PIK3R5: variants seen among roughly 807,000 people sequenced by gnomAD.
PIK3R5 encodes phosphoinositide-3-kinase regulatory subunit 5, also known as phosphoinositide 3-kinase regulatory subunit 5.
PIK3R5 carries 32 observed loss-of-function variants against 94.9 expected under a neutral mutation model. The observed-to-expected ratio is 0.34, with a 90% CI of 0.25 to 0.45. PIK3R5 has a LOEUF of 0.45. Among genes scored for constraint, PIK3R5 ranks in the 20% least tolerant of loss-of-function variants. The probability of loss-of-function intolerance (pLI) is 1.00; values close to 1 mark genes in which losing one functional copy is unlikely to be tolerated. For missense variants in PIK3R5, 853 were observed against 1,144.6 expected, an observed-to-expected ratio of 0.75 and a Z score of 3.68; for synonymous variants, 443 against 479.4, an observed-to-expected ratio of 0.92 and a Z score of 0.99.
intron 1 of PIK3R5, among the ~76,000 whole-genome samples, chr17:8,957,336 A>C (rs2091481726): frequency 6.6e-6 from 1 of 152,044 alleles, no homozygotes; most frequent in Non-Finnish European, 1.5e-5. Context: ...AGTGAGCTGG[A>C]GTCTATTTTC....
In PIK3R5 at chr17:8,881,602, A is replaced by C; in HGVS notation, c.2382+28T>G. On this transcript the variant is annotated intron_variant, in intron 17 of 18. Transcript: ENST00000447110. This position sits in a 1 kb window ranked among gnomAD's most constrained non-coding sequence, Gnocchi z 4.8. ...ACGCTCCAGTAAGTCTCTTGAGGGT[A>C]TGGCTGGAAGGAGAGGGAAGCCCGT... 3.2e-6 allele frequency: 5 copies of C among 1,576,038 alleles called. No homozygotes were observed. The highest frequency in any genetic ancestry group is 1.1e-5 in the South Asian group (1 of 88,964).
chr17:8,890,112 T>G lies in PIK3R5; in HGVS notation c.672A>C (p.Ala224=), dbSNP rs914551359. Residue 224 remains alanine (A), a synonymous_variant, in exon 8 of 19, where the codon GCA becomes GCC. Coordinates refer to ENST00000447110, the MANE Select transcript of PIK3R5 (RefSeq NM_001142633.3). The surrounding 1 kb of genome is among the most constrained non-coding windows in gnomAD (Gnocchi z 6.1). ...TCTCCGTGAAGATGTCCTCAAGCTCTGCCAGGGTCTTGGCCTGAAACCCCA... is the reference window on the plus strand; with the variant it reads ...TCTCCGTGAAGATGTCCTCAAGCTCGGCCAGGGTCTTGGCCTGAAACCCCA... ...LHCRLQAKTL[A]ELEDIFTETA... 4 of 1,613,878 alleles carry G rather than the reference T, an allele frequency of 2.5e-6. No individual in the cohort carries two copies. The African/African-American group carries it at 5.3e-5, about 22-fold the overall frequency.
chr17:8,949,267 G>C (rs1048423641), intron 1 of PIK3R5, among the ~76,000 whole-genome samples: 2 of 152,304 alleles, frequency 1.3e-5, no homozygotes, highest in Admixed American at 6.5e-5. Flanking sequence ...GCTAAATTTC[G>C]AGCTGGTGAA....
chr17:8,911,539 C>A lies in PIK3R5; in HGVS notation c.-13-32G>T. On this transcript the variant is annotated intron_variant, in intron 1 of 18. Transcript: ENST00000447110. The surrounding 1 kb of genome is among the most constrained non-coding windows in gnomAD (Gnocchi z 5.3). ...GGGGGACAGACGCCGGTCAGCTTGT[C>A]GAGCTCCTTTCCCAGAGAGCACCTG... is the stretch of plus-strand genomic sequence containing the variant. 1 of 1,448,238 alleles carries A rather than the reference C, an allele frequency of 6.9e-7. No homozygotes were observed. Among genetic ancestry groups the A allele is most frequent in the South Asian group, 1.2e-5 (1 of 85,816 alleles). 89.7% of individuals were successfully genotyped at this position (1,448,238 alleles called of 1,614,324 possible).
Position 8,884,882 on chromosome 17 carries a change from T to C in PIK3R5, c.2129-99A>G, listed in dbSNP as rs61761115. On this transcript the variant is annotated intron_variant, in intron 14 of 18. Coordinates refer to ENST00000447110, the MANE Select transcript of PIK3R5 (RefSeq NM_001142633.3). This position sits in a 1 kb window ranked among gnomAD's most constrained non-coding sequence, Gnocchi z 5.8. ...CCCTGGGCCTTACCTCCCCATCCCC[T>C]ACCACATGGACCGTGACTCCCTAGG... 11 of 931,800 alleles carry C rather than the reference T, an allele frequency of 1.2e-5. No individual in the cohort carries two copies. Among genetic ancestry groups the C allele is most frequent in the Non-Finnish European group, 1.7e-5 (10 of 579,638 alleles). The allele number at this position is 931,800 out of a possible 1,614,324, so 57.7% of individuals were successfully genotyped here.
rs1351082193 is a variant in PIK3R5 at position 8,893,080 on chromosome 17, GTGTGTT to G, written c.482+500_482+505del. On this transcript the variant is annotated intron_variant, in intron 6 of 18. Transcript: ENST00000447110. The surrounding 1 kb of genome is among the most constrained non-coding windows in gnomAD (Gnocchi z 5.1). ...TGTGTGTGTGTGTGTGTGTGTGTGTGTGTGTTTGTGTATCAGGCTGTCATATAAAAT... is the reference window on the plus strand; with the variant it reads ...TGTGTGTGTGTGTGTGTGTGTGTGTGTGTGTATCAGGCTGTCATATAAAAT... 0.053 allele frequency among the ~76,000 whole-genome samples: 5,918 copies of G among 110,994 alleles called. 347 individuals carry two copies. The highest frequency in any genetic ancestry group is 0.2 in the African/African-American group (4,937 of 25,250). 72.8% of individuals were successfully genotyped at this position (110,994 alleles called of 152,430 possible).
In PIK3R5 at chr17:8,879,007, C is replaced by A. The variant is rs1244091983; in HGVS notation, c.*1632G>T. ...TTGATCACATAATAAGACAACCTGC[C>A]CATACAGCAAAAACATATTGAAGAT... On this transcript the variant is annotated 3_prime_UTR_variant, in exon 19 of 19. Coordinates refer to ENST00000447110, the MANE Select transcript of PIK3R5 (RefSeq NM_001142633.3). This position sits in a 1 kb window ranked among gnomAD's most constrained non-coding sequence, Gnocchi z 4.4. 6.6e-6 allele frequency: 1 copy of A among 152,064 alleles called. No homozygotes were observed. The highest frequency in any genetic ancestry group is 1.5e-5 in the Non-Finnish European group (1 of 68,010). 9.4% of individuals were successfully genotyped at this position (152,064 alleles called of 1,614,324 possible).
intron 5 of PIK3R5, among the ~76,000 whole-genome samples, chr17:8,899,696 C>T (rs564340204): frequency 4.4e-4 from 67 of 152,270 alleles, no homozygotes; most frequent in African/African-American, 1.6e-3. Context: ...TCTTTCTCCA[C>T]TTAACTGGGG....
At chr17:8,929,388 A>C (rs2151439215) in intron 1 of PIK3R5, among the ~76,000 whole-genome samples, 1 of 152,340 alleles carries the variant, frequency 6.6e-6, no homozygotes, top group Admixed American at 6.5e-5. Context: ...GCATTAATTA[A>C]AAGAAAGCAG....
chr17:8,945,139 G>A lies in PIK3R5; in HGVS notation c.-14+20457C>T, dbSNP rs553655441. Reference sequence around the variant, plus strand: ...CAGGCTTCTAGCCAAACCCTGGCTCGGCCCCTCACCCCACTTCGAAGAGGG... The same window carrying A: ...CAGGCTTCTAGCCAAACCCTGGCTCAGCCCCTCACCCCACTTCGAAGAGGG... On this transcript the variant is annotated intron_variant, in intron 1 of 18. Coordinates refer to ENST00000447110, the MANE Select transcript of PIK3R5 (RefSeq NM_001142633.3). This position sits in a 1 kb window ranked among gnomAD's most constrained non-coding sequence, Gnocchi z 4.0. 1.2e-4 allele frequency among the ~76,000 whole-genome samples: 18 copies of A among 152,174 alleles called. No homozygotes were observed. Among genetic ancestry groups the A allele is most frequent in the South Asian group, 4.2e-4 (2 of 4,816 alleles).
At chr17:8,898,502 A>G (rs2090202930) in intron 5 of PIK3R5, among the ~76,000 whole-genome samples, 1 of 152,260 alleles carries the variant, frequency 6.6e-6, no homozygotes, top group South Asian at 2.1e-4. Flanking sequence ...TTGGTATCAA[A>G]GAGATATGGG....
chr17:8,881,583 C>A lies in PIK3R5; in HGVS notation c.2382+47G>T, dbSNP rs186614663. 1.4e-5 allele frequency: 20 copies of A among 1,454,352 alleles called. No homozygotes were observed. The highest frequency in any genetic ancestry group is 1.9e-5 in the Non-Finnish European group (20 of 1,042,996). The allele number at this position is 1,454,352 out of a possible 1,614,324, so 90.1% of individuals were successfully genotyped here. A position where few individuals can be genotyped will look rare whatever the true frequency, so the allele number is the denominator to read the frequency against. ...TACACACATACGCACATGCACGCTC[C>A]AGTAAGTCTCTTGAGGGTATGGCTG... On this transcript the variant is annotated intron_variant, in intron 17 of 18. Coordinates refer to ENST00000447110, the MANE Select transcript of PIK3R5 (RefSeq NM_001142633.3). The surrounding 1 kb of genome is among the most constrained non-coding windows in gnomAD (Gnocchi z 4.8).
intron 1 of PIK3R5, chr17:8,912,410 C>A (rs2090545726): frequency 6.6e-6 from 1 of 152,274 alleles, no homozygotes; most frequent in Admixed American, 6.5e-5. Flanking sequence ...AATACTTTAA[C>A]TTTTCCAAAC....
chr17:8,954,330 G>A (rs1476013669), intron 1 of PIK3R5, among the ~76,000 whole-genome samples: 1 of 152,194 alleles, frequency 6.6e-6, no homozygotes, highest in Non-Finnish European at 1.5e-5. Context: ...TTGTCCTCCA[G>A]GGTCAAGTAG....
intron 5 of PIK3R5, among the ~76,000 whole-genome samples, chr17:8,897,861 C>A (rs1473541736): frequency 6.6e-6 from 1 of 152,186 alleles, no homozygotes; most frequent in Non-Finnish European, 1.5e-5. Context: ...TGAGGGAAGG[C>A]TGGTCCAGGA....
chr17:8,900,344 G>T (rs1174525723), intron 5 of PIK3R5, among the ~76,000 whole-genome samples: 1 of 152,166 alleles, frequency 6.6e-6, no homozygotes, highest in African/African-American at 2.4e-5. Flanking sequence ...CTATCATCGT[G>T]CTGGTTTCCT....
chr17:8,923,986 C>G (rs2090809721), intron 1 of PIK3R5, among the ~76,000 whole-genome samples: 1 of 125,564 alleles, frequency 8.0e-6, no homozygotes, highest in Non-Finnish European at 1.6e-5. Flanking sequence ...CTCACTGCAG[C>G]CTTCTGGGTG....
intron 1 of PIK3R5, among the ~76,000 whole-genome samples, chr17:8,934,978 T>C (rs533050991): frequency 6.6e-6 from 1 of 152,322 alleles, no homozygotes; most frequent in South Asian, 2.1e-4. Flanking sequence ...AACTTCTTCC[T>C]GCATGTGCTG....
At chr17:8,964,868 G>A (rs1393818338) in intron 1 of PIK3R5, among the ~76,000 whole-genome samples, 1 of 152,134 alleles carries the variant, frequency 6.6e-6, no homozygotes, top group Non-Finnish European at 1.5e-5. Context: ...TTGTTAACTC[G>A]CTTTATACCA....
Sources: allele counts gnomAD v4.1 joint callset (sites outside exome capture counted in the v4.1 genomes callset), GRCh38; gene constraint gnomAD v4.1.1; non-coding constraint Gnocchi (gnomAD v3.1); transcripts MANE v1.5; gene names NCBI Gene and HGNC (gene_info 2026-07-23, HGNC 2026-07-21).